Variants in BZW1 observed in about 807,000 individuals in gnomAD.
The protein encoded by BZW1 is eIF5-mimic protein 2.
BZW1 carries 3 observed loss-of-function variants against 54.1 expected under a neutral mutation model. The ratio of observed to expected loss-of-function variants is 0.06; its 90% CI spans 0.03 to 0.14. The LOEUF is 0.14. BZW1 is among the 10% of genes least tolerant of loss of function. The probability of loss-of-function intolerance (pLI) is 1.00; values close to 1 mark genes in which losing one functional copy is unlikely to be tolerated. For missense variants in BZW1, 206 were observed against 491.7 expected, an observed-to-expected ratio of 0.42 and a Z score of 5.50; for synonymous variants, 152 against 162.7, an observed-to-expected ratio of 0.93 and a Z score of 0.50.
At chr2:200,812,081 C>T (rs1240135631) in intron 1 of BZW1, 91 bp downstream of exon 1, 1 of 536,756 alleles carries the variant, frequency 1.9e-6, no homozygotes, top group Non-Finnish European at 2.8e-6. Flanking sequence ...TGGATGCGGC[C>T]CGGCTTGGAT....
At chr2:200,813,124 A>G in intron 1 of BZW1, 84 bp from the exon 2 acceptor site, 2 of 1,151,864 alleles carry the variant, frequency 1.7e-6, no homozygotes, top group Non-Finnish European at 2.6e-6. Flanking sequence ...TTTGATTCAT[A>G]TGTGACTAGA....
intron 1 of BZW1, 176 bp downstream of exon 1, chr2:200,812,166 C>T: frequency 8.5e-7 from 1 of 1,170,444 alleles, no homozygotes; most frequent in Non-Finnish European, 1.1e-6. Flanking sequence ...GGCAGGGAGG[C>T]CGAGGGGTAG....
intron 1 of BZW1, chr2:200,812,531 C>T (rs952740720): frequency 5.7e-5 from 80 of 1,392,690 alleles, no homozygotes; most frequent in Non-Finnish European, 7.3e-5. Flanking sequence ...TACGGCGCCC[C>T]GCTGTGGCCG....
At chr2:200,813,057 C>T (rs901560128) in intron 1 of BZW1, 151 bp from the exon 2 acceptor site, 2 of 702,218 alleles carry the variant, frequency 2.8e-6, no homozygotes, top group African/African-American at 1.8e-5. Flanking sequence ...GCAGGTAATT[C>T]TTTGTGCCTG....
At chr2:200,815,884 A>G (rs949941319) in intron 4 of BZW1, 123 bp downstream of exon 4, 1 of 981,986 alleles carries the variant, frequency 1.0e-6, no homozygotes, top group Non-Finnish European at 1.5e-6. Context: ...AATTTTAGGG[A>G]TACTGTTCTT....
At chr2:200,813,756 A>C (rs1462790788) in intron 2 of BZW1, among the ~76,000 whole-genome samples, 1 of 152,180 alleles carries the variant, frequency 6.6e-6, no homozygotes. Flanking sequence ...TTAGTAGAAA[A>C]AGTATTAGAA....
chr2:200,812,084 G>C (rs533784310), intron 1 of BZW1, 94 bp downstream of exon 1: 2 of 551,444 alleles, frequency 3.6e-6, no homozygotes, highest in Admixed American at 4.4e-5. Context: ...ATGCGGCCCG[G>C]CTTGGATGGG....
At chr2:200,812,898 A>T (rs913762048) in intron 1 of BZW1, 4 of 656,088 alleles carry the variant, frequency 6.1e-6, no homozygotes, top group Non-Finnish European at 1.2e-5. Context: ...AAGTGAATGT[A>T]AAGAGGAATG....
chr2:200,813,866 G>A (rs772469863), intron 2 of BZW1, among the ~76,000 whole-genome samples: 8 of 152,144 alleles, frequency 5.3e-5, no homozygotes, highest in Non-Finnish European at 1.2e-4. Context: ...ATAAGACGTA[G>A]TCTCAGATAT....
At chr2:200,817,458 C>G (rs935295041) in intron 6 of BZW1, among the ~76,000 whole-genome samples, 1 of 152,054 alleles carries the variant, frequency 6.6e-6, no homozygotes, top group African/African-American at 2.4e-5. Flanking sequence ...CAGATTTAGA[C>G]AAAATGTTGT....
Position 200,818,485 on chromosome 2 carries a change from T to G in BZW1, c.819+92T>G, listed in dbSNP as rs2038375351. On this transcript the variant is annotated intron_variant, in intron 8 of 11. Coordinates refer to ENST00000409600, the MANE Select transcript of BZW1 (RefSeq NM_001207067.2). ...GGAACTTACTTCACCAGGATGAGAT[T>G]GAGTTAATAGTAACAGGATGTTATA... 3 of 1,406,008 alleles carry G rather than the reference T, an allele frequency of 2.1e-6. No individual in the cohort carries two copies. The Admixed American group carries it at 6.8e-5, about 32-fold the overall frequency. 87.1% of individuals were successfully genotyped at this position (1,406,008 alleles called of 1,614,324 possible).
In BZW1 at chr2:200,825,106, C is replaced by G. The variant is rs2038658045; in HGVS notation, c.*2928C>G. Reference sequence around the variant, plus strand: ...TTTGGAGACAGTCTCACTCTGTTACCTGGGCTGGAGTGCAATGGCATGATC... The same window carrying G: ...TTTGGAGACAGTCTCACTCTGTTACGTGGGCTGGAGTGCAATGGCATGATC... On this transcript the variant is annotated 3_prime_UTR_variant, in exon 12 of 12. Coordinates refer to ENST00000409600, the MANE Select transcript of BZW1 (RefSeq NM_001207067.2). The G allele has an allele frequency of 2.6e-5, 4 of 152,520 alleles. No homozygotes were observed. Among genetic ancestry groups the G allele is most frequent in the Admixed American group, 2.6e-4 (4 of 15,254 alleles). 9.4% of individuals were successfully genotyped at this position (152,520 alleles called of 1,614,324 possible).
intron 4 of BZW1, 57 bp downstream of exon 4, chr2:200,815,818 G>A (rs747723006): frequency 7.6e-5 from 106 of 1,385,920 alleles, no homozygotes; most frequent in Non-Finnish European, 9.9e-5. Flanking sequence ...TGGTATATTT[G>A]AGGAATATTC....
At chr2:200,820,789 T>C (rs2038480080) in intron 10 of BZW1, among the ~76,000 whole-genome samples, 1 of 152,218 alleles carries the variant, frequency 6.6e-6, no homozygotes, top group Non-Finnish European at 1.5e-5. Flanking sequence ...TCTGTTCATC[T>C]TACTCCCCCA....
intron 5 of BZW1, among the ~76,000 whole-genome samples, 197 bp downstream of exon 5, chr2:200,816,587 G>C (rs577150036): frequency 6.6e-6 from 1 of 152,252 alleles, no homozygotes; most frequent in African/African-American, 2.4e-5. Context: ...TGCCTCCCGG[G>C]TTCAAGCGAT....
In BZW1 at chr2:200,826,460, T is replaced by G. The variant is rs1575065183; in HGVS notation, c.*4282T>G. 1 of 131,988 alleles carries G rather than the reference T, an allele frequency of 7.6e-6. No individual in the cohort carries two copies. 8.2% of individuals were successfully genotyped at this position (131,988 alleles called of 1,614,324 possible). On this transcript the variant is annotated 3_prime_UTR_variant, in exon 12 of 12. Transcript: ENST00000409600. ...TTTTTTTTGAGACAGAGTCTCGCTC[T>G]GTCGCCCAGGCGGGAGTGCAGTGGC...
Position 200,818,639 on chromosome 2 carries a change from G to T in BZW1, c.820-116G>T, listed in dbSNP as rs114428988. On this transcript the variant is annotated intron_variant, in intron 8 of 11. Coordinates refer to ENST00000409600, the MANE Select transcript of BZW1 (RefSeq NM_001207067.2). ...TCTTTTTATATGTGGTACACATGTG[G>T]TTGCCAGTTGCATGGAAAAGGAGTT... 6.5e-4 allele frequency: 777 copies of T among 1,194,740 alleles called. 11 individuals carry two copies. In the African/African-American group the frequency reaches 0.011, roughly 17 times the overall value. 74.0% of individuals were successfully genotyped at this position (1,194,740 alleles called of 1,614,324 possible).
rs1301414644 is a variant in BZW1 at position 200,825,093 on chromosome 2, C to T, written c.*2915C>T. ...TTTTTGTTTTTGTTTTGGAGACAGTCTCACTCTGTTACCTGGGCTGGAGTG... is the reference window on the plus strand; with the variant it reads ...TTTTTGTTTTTGTTTTGGAGACAGTTTCACTCTGTTACCTGGGCTGGAGTG... On this transcript the variant is annotated 3_prime_UTR_variant, in exon 12 of 12. Transcript: ENST00000409600. 1 of 152,270 alleles carries T rather than the reference C, an allele frequency of 6.6e-6. No individual in the cohort carries two copies. Among genetic ancestry groups the T allele is most frequent in the South Asian group, 2.1e-4 (1 of 4,832 alleles). The allele number at this position is 152,270 out of a possible 1,614,324, so 9.4% of individuals were successfully genotyped here.
At chr2:200,814,139 T>A (rs1377851792) in intron 2 of BZW1, among the ~76,000 whole-genome samples, 1 of 152,226 alleles carries the variant, frequency 6.6e-6, no homozygotes, top group Non-Finnish European at 1.5e-5. Flanking sequence ...TAAATTTTCT[T>A]AAGGAGCTGG....
Sources: gnomAD v4.1 joint callset for allele counts (sites outside exome capture counted in the v4.1 genomes callset) on GRCh38, gnomAD v4.1.1 for gene constraint, MANE v1.5 for transcripts, NCBI Gene and HGNC (gene_info 2026-07-23, HGNC 2026-07-21) for gene names.